The following TRPM3 variants were observed in gnomAD, a reference collection of about 807,000 sequenced individuals.
TRPM3 encodes the protein transient receptor potential cation channel subfamily M member 3.
Under a neutral mutation model 181.2 loss-of-function variants are expected in TRPM3, and 77 were observed. The ratio of observed to expected loss-of-function variants is 0.42; its 90% CI spans 0.35 to 0.51. The LOEUF is 0.51. TRPM3 is among the 20% of genes least tolerant of loss of function. TRPM3 has a pLI of 0.01. For synonymous variants in TRPM3, 745 were observed against 796.4 expected (o/e 0.94, Z 1.09); for missense variants, 1,759 against 2,196.7 (o/e 0.80, Z 3.98).
chr9:70,560,201 C>T (rs1338386808), intron 22 of TRPM3, among the ~76,000 whole-genome samples: 1 of 152,174 alleles, frequency 6.6e-6, no homozygotes, highest in Non-Finnish European at 1.5e-5. Flanking sequence ...GGGTGAAATG[C>T]CTTACCAAAG....
intron 1 of TRPM3, among the ~76,000 whole-genome samples, chr9:71,347,781 A>T (rs1030017679): frequency 1.3e-5 from 2 of 152,014 alleles, no homozygotes; most frequent in Non-Finnish European, 2.9e-5. Context: ...ATTAAATGAA[A>T]AATAATACTA....
chr9:71,423,554 C>T (rs1337401812), intron 1 of TRPM3, among the ~76,000 whole-genome samples: 2 of 152,036 alleles, frequency 1.3e-5, no homozygotes, highest in Non-Finnish European at 2.9e-5. Flanking sequence ...TTTGTTTTCT[C>T]TCAATATTTT....
upstream of TRPM3, among the ~76,000 whole-genome samples, chr9:71,123,377 G>A (rs540575215): frequency 5.9e-5 from 9 of 152,258 alleles, no homozygotes; most frequent in East Asian, 1.9e-4. Flanking sequence ...GGAGATTTAC[G>A]TACCTTCTTT....
intron 1 of TRPM3, chr9:70,868,876 T>C: frequency 4.1e-6 from 2 of 487,452 alleles, no homozygotes; most frequent in East Asian, 1.5e-4. Context: ...AAGTTCGTTT[T>C]GCCCTTTCCC....
At chr9:71,421,286 A>C (rs972658035) in intron 1 of TRPM3, among the ~76,000 whole-genome samples, 1 of 151,952 alleles carries the variant, frequency 6.6e-6, no homozygotes, top group African/African-American at 2.4e-5. Flanking sequence ...GACAAGATCA[A>C]TTGTACCCCA....
chr9:71,131,795 C>T (rs1035725006), intron 1 of TRPM3, among the ~76,000 whole-genome samples: 3 of 152,126 alleles, frequency 2.0e-5, no homozygotes, highest in Non-Finnish European at 2.9e-5. Context: ...CATCTACATA[C>T]AGAAGAACTG....
chr9:71,113,577 A>G (rs2071625863), intron 1 of TRPM3, among the ~76,000 whole-genome samples: 1 of 152,180 alleles, frequency 6.6e-6, no homozygotes, highest in Non-Finnish European at 1.5e-5. Context: ...CTGACATGCC[A>G]TATTTTCTTT....
chr9:71,086,343 GA>G (rs1222424292), intron 1 of TRPM3, among the ~76,000 whole-genome samples: 1 of 151,218 alleles, frequency 6.6e-6, no homozygotes, highest in Non-Finnish European at 1.5e-5. Context: ...AATAAGAGTT[GA>G]AAAAAAAGAA....
intron 1 of TRPM3, among the ~76,000 whole-genome samples, chr9:71,320,504 G>A (rs2089118960): frequency 6.6e-6 from 1 of 151,194 alleles, no homozygotes. Context: ...TCAGTATTCT[G>A]TACACTGTTC....
intron 1 of TRPM3, among the ~76,000 whole-genome samples, chr9:71,090,433 G>T (rs1414986859): frequency 6.6e-6 from 1 of 152,144 alleles, no homozygotes; most frequent in Admixed American, 6.6e-5. Context: ...AAGTTGTTAT[G>T]TCCCTTTTCC....
Position 70,674,460 on chromosome 9 carries a change from C to T in TRPM3, c.1345+7046G>A, listed in dbSNP as rs1375238977. On this transcript the variant is annotated intron_variant, in intron 9 of 25. Coordinates refer to ENST00000677713, the MANE Select transcript of TRPM3 (RefSeq NM_001366145.2). Reference sequence around the variant, plus strand: ...ATGAGTTAGGCAGCAAGGCCAATTGCTTATTGATGTTAGTGAAGGTTGGTG... The same window carrying T: ...ATGAGTTAGGCAGCAAGGCCAATTGTTTATTGATGTTAGTGAAGGTTGGTG... Among the ~76,000 whole-genome samples the T allele has an allele frequency of 5.9e-5, 9 of 152,254 alleles. No homozygotes were observed. The South Asian group carries it at 1.5e-3, about 25-fold the overall frequency.
Position 71,070,030 on chromosome 9 carries a change from C to T in TRPM3, c.177+51148G>A, listed in dbSNP as rs1223340169. On this transcript the variant is annotated intron_variant, in intron 1 of 25. Transcript: ENST00000677713. ...TTTAATATGCCAAGTTATCATTCTG[C>T]TTAGTTTTTATTTTAATGAGTATTG... is the stretch of plus-strand genomic sequence containing the variant. 6.6e-5 allele frequency among the ~76,000 whole-genome samples: 10 copies of T among 152,278 alleles called. No homozygotes were observed. In the South Asian group the frequency reaches 2.1e-3, roughly 32 times the overall value.
At chr9:71,064,821 T>G (rs766224308) in intron 1 of TRPM3, among the ~76,000 whole-genome samples, 12 of 152,176 alleles carry the variant, frequency 7.9e-5, no homozygotes, top group Non-Finnish European at 1.2e-4. Context: ...TCAATTGTAA[T>G]AAAGTAATTT....
intron 1 of TRPM3, among the ~76,000 whole-genome samples, chr9:70,970,707 A>G (rs2097234670): frequency 6.6e-6 from 1 of 152,168 alleles, no homozygotes; most frequent in Non-Finnish European, 1.5e-5. Context: ...GGCCAAAGTG[A>G]ATGCTTCTAA....
chr9:71,013,399 G>A (rs1363632451), intron 1 of TRPM3, among the ~76,000 whole-genome samples: 1 of 151,176 alleles, frequency 6.6e-6, no homozygotes, highest in Non-Finnish European at 1.5e-5. Context: ...TCTTTTTTGT[G>A]TTCTCTTTAT....
At chr9:71,415,135 G>A (rs142896611) in intron 1 of TRPM3, among the ~76,000 whole-genome samples, 1 of 152,144 alleles carries the variant, frequency 6.6e-6, no homozygotes, top group East Asian at 1.9e-4. Flanking sequence ...TGACCATGGA[G>A]GCAGAGAGTG....
At chr9:70,993,220 C>T (rs2097505776) in intron 1 of TRPM3, among the ~76,000 whole-genome samples, 1 of 152,082 alleles carries the variant, frequency 6.6e-6, no homozygotes, top group African/African-American at 2.4e-5. Context: ...ATCTGTATTT[C>T]ATAAAGCTCA....
intron 1 of TRPM3, among the ~76,000 whole-genome samples, chr9:71,042,887 G>C (rs1437885991): frequency 6.6e-6 from 1 of 152,186 alleles, no homozygotes. Flanking sequence ...AAGCACCATG[G>C]TGTGTTAAAG....
chr9:71,217,076 G>A (rs1041820007), intron 1 of TRPM3, among the ~76,000 whole-genome samples: 50 of 149,044 alleles, frequency 3.4e-4, no homozygotes, highest in Non-Finnish European at 1.3e-4. Context: ...TCAGCCTCCC[G>A]AGTAGCTGGG....
Sources: allele counts gnomAD v4.1 joint callset (sites outside exome capture counted in the v4.1 genomes callset), GRCh38; gene constraint gnomAD v4.1.1; transcripts MANE v1.5; gene names NCBI Gene and HGNC (gene_info 2026-07-23, HGNC 2026-07-21).